DESI2: variants seen among roughly 807,000 people sequenced by gnomAD.
The protein encoded by DESI2 is desumoylating isopeptidase 2.
Under a neutral mutation model 24.1 loss-of-function variants are expected in DESI2, and 10 were observed. That is an observed-to-expected ratio of 0.41 (90% CI 0.26 to 0.70). The LOEUF (loss-of-function observed/expected upper bound fraction) is 0.70. Among genes scored for constraint, DESI2 ranks in the 30% least tolerant of loss-of-function variants. The pLI, the probability that DESI2 is intolerant of heterozygous loss-of-function variation, is 0.29. For missense variants in DESI2, 122 were observed against 234.9 expected (o/e 0.52, Z 3.14); for synonymous variants, 71 against 87.7 (o/e 0.81, Z 1.06).
chr1:244,666,826 G>A (rs572932489), intron 1 of DESI2, among the ~76,000 whole-genome samples: 5 of 152,088 alleles, frequency 3.3e-5, no homozygotes, highest in South Asian at 2.1e-4. Context: ...CATGTGGCTC[G>A]GGAGGCCTCA....
chr1:244,663,241 G>C (rs527285485), intron 1 of DESI2, among the ~76,000 whole-genome samples: 27 of 151,224 alleles, frequency 1.8e-4, no homozygotes, highest in African/African-American at 6.3e-4. Context: ...GCTGGCATCC[G>C]TCTCGGCTCA....
At chr1:244,681,407 T>G (rs1428040679) in intron 1 of DESI2, among the ~76,000 whole-genome samples, 4 of 152,256 alleles carry the variant, frequency 2.6e-5, no homozygotes, top group Admixed American at 6.5e-5. Context: ...TGTACTCACT[T>G]GCTCTCTACT....
At chr1:244,665,016 T>TTATCATGGATA (rs1675993608) in intron 1 of DESI2, among the ~76,000 whole-genome samples, 1 of 152,246 alleles carries the variant, frequency 6.6e-6, no homozygotes, top group Admixed American at 6.5e-5. Flanking sequence ...TTGTACTAAA[T>TTATCATGGATA]TATCATGGAT....
intron 1 of DESI2, among the ~76,000 whole-genome samples, chr1:244,685,106 ATTAT>A: frequency 6.6e-6 from 1 of 152,220 alleles, no homozygotes; most frequent in Non-Finnish European, 1.5e-5. Context: ...CTTTTTGCAT[ATTAT>A]TTATCTTTTT....
At position 244,706,912 on chromosome 1, in the gene DESI2, T is replaced by C. The variant is rs79855653; in HGVS notation, c.*1123T>C. 6.6e-6 allele frequency: 1 copy of C among 152,640 alleles called. No homozygotes were observed. Among genetic ancestry groups the C allele is most frequent in the Non-Finnish European group, 1.5e-5 (1 of 68,032 alleles). 9.5% of individuals were successfully genotyped at this position (152,640 alleles called of 1,614,324 possible). A position where few individuals can be genotyped will look rare whatever the true frequency, so the allele number is the denominator to read the frequency against. ...ATTTGTGTGTCTTAAGATTCATATT[T>C]ATATGTTCTCTCAAATGTATGTCTC... On this transcript the variant is annotated 3_prime_UTR_variant, in exon 5 of 5. Coordinates refer to ENST00000302550, the MANE Select transcript of DESI2 (RefSeq NM_016076.5).
In DESI2 at chr1:244,705,956, T is replaced by C. The variant is rs1339895721; in HGVS notation, c.*167T>C. The stretch of plus-strand genomic sequence containing the variant: ...TTTGTAATCAAAAAAAAAAAATCAC[T>C]TGGCGCAGGAGGGAGAACTTTGTAA... On this transcript the variant is annotated 3_prime_UTR_variant, in exon 5 of 5. Transcript: ENST00000302550. 2.3e-5 allele frequency: 14 copies of C among 603,484 alleles called. No homozygotes were observed. Among genetic ancestry groups the C allele is most frequent in the Non-Finnish European group, 3.8e-5 (13 of 344,590 alleles). The allele number at this position is 603,484 out of a possible 1,614,324, so 37.4% of individuals were successfully genotyped here.
At position 244,705,452 on chromosome 1, in the gene DESI2, G is replaced by T; in HGVS notation, c.352-104G>T. On this transcript the variant is annotated intron_variant, in intron 4 of 4. Coordinates refer to ENST00000302550, the MANE Select transcript of DESI2 (RefSeq NM_016076.5). ...CACCACTGAAGGCTAGTCTGCCGTGGCTTCTCTGTACGCCGCCCCCCTCCT... is the reference window on the plus strand; with the variant it reads ...CACCACTGAAGGCTAGTCTGCCGTGTCTTCTCTGTACGCCGCCCCCCTCCT... The T allele has an allele frequency of 4.6e-6, 4 of 876,096 alleles. No individual in the cohort carries two copies. In the East Asian group the frequency reaches 9.8e-5, roughly 22 times the overall value. The allele number at this position is 876,096 out of a possible 1,614,324, so 54.3% of individuals were successfully genotyped here.
chr1:244,654,172 G>C (rs1675567211), intron 1 of DESI2: 2 of 375,820 alleles, frequency 5.3e-6, no homozygotes, highest in Non-Finnish European at 1.1e-5. Flanking sequence ...CCAGAAAAAA[G>C]CACCCGGTAG....
chr1:244,695,317 C>A (rs1677173238), intron 4 of DESI2, among the ~76,000 whole-genome samples: 1 of 152,220 alleles, frequency 6.6e-6, no homozygotes. Context: ...ACTGGCATTA[C>A]CATTACTAAA....
intron 1 of DESI2, among the ~76,000 whole-genome samples, chr1:244,667,939 C>A (rs1436281389): frequency 6.6e-6 from 1 of 152,154 alleles, no homozygotes; most frequent in East Asian, 1.9e-4. Flanking sequence ...GGCTGAACAT[C>A]CCTGACATAA....
intron 1 of DESI2, among the ~76,000 whole-genome samples, chr1:244,659,207 G>A (rs1055496958): frequency 6.7e-6 from 1 of 149,608 alleles, no homozygotes; most frequent in African/African-American, 2.5e-5. Flanking sequence ...AGGGGGTGGG[G>A]GAAGCTAGTA....
chr1:244,686,956 C>A (rs1676848465), intron 2 of DESI2, among the ~76,000 whole-genome samples: 2 of 152,120 alleles, frequency 1.3e-5, no homozygotes, highest in African/African-American at 4.8e-5. Flanking sequence ...TTGTGATTGT[C>A]ATAAAATGAC....
At chr1:244,678,306 T>G (rs1258106842) in intron 1 of DESI2, among the ~76,000 whole-genome samples, 1 of 152,226 alleles carries the variant, frequency 6.6e-6, no homozygotes, top group Non-Finnish European at 1.5e-5. Flanking sequence ...ATACCTTTAT[T>G]TTTTAGAATG....
chr1:244,663,108 G>T (rs1411120383), intron 1 of DESI2, among the ~76,000 whole-genome samples: 3 of 151,884 alleles, frequency 2.0e-5, no homozygotes, highest in Non-Finnish European at 4.4e-5. Context: ...AAGTAGAAGG[G>T]TCAAAAGGAT....
intron 1 of DESI2, among the ~76,000 whole-genome samples, chr1:244,686,107 C>G (rs1676806933): frequency 1.3e-5 from 2 of 152,116 alleles, no homozygotes; most frequent in African/African-American, 4.8e-5. Flanking sequence ...TTACCATTAT[C>G]AAACTTTGAG....
rs1677766394 is a variant in DESI2 at position 244,707,736 on chromosome 1, G to A, written c.*1947G>A. 1 of 152,184 alleles carries A rather than the reference G, an allele frequency of 6.6e-6. No individual in the cohort carries two copies. The highest frequency in any genetic ancestry group is 2.4e-5 in the African/African-American group (1 of 41,442). The allele number at this position is 152,184 out of a possible 1,614,324, so 9.4% of individuals were successfully genotyped here. A position where few individuals can be genotyped will look rare whatever the true frequency, so the allele number is the denominator to read the frequency against. ...ACACACACACAGTAGCCATTAGTTAGACTCTTCTTAGTGAATATCAGGAAC... is the reference window on the plus strand; with the variant it reads ...ACACACACACAGTAGCCATTAGTTAAACTCTTCTTAGTGAATATCAGGAAC... On this transcript the variant is annotated 3_prime_UTR_variant, in exon 5 of 5. Coordinates refer to ENST00000302550, the MANE Select transcript of DESI2 (RefSeq NM_016076.5).
chr1:244,653,422 G>C, intron 1 of DESI2, 67 bp downstream of exon 1: 1 of 1,491,886 alleles, frequency 6.7e-7, no homozygotes, highest in Non-Finnish European at 8.9e-7. Context: ...GTGGGGCTCG[G>C]ACCCCGGCCC....
chr1:244,702,407 G>A (rs994321077), intron 4 of DESI2, among the ~76,000 whole-genome samples: 3 of 152,114 alleles, frequency 2.0e-5, no homozygotes, highest in Non-Finnish European at 4.4e-5. Context: ...CCATCTACTC[G>A]GGAGGCTGAG....
chr1:244,662,226 G>A (rs1034893953), intron 1 of DESI2, among the ~76,000 whole-genome samples: 1 of 152,134 alleles, frequency 6.6e-6, no homozygotes, highest in Admixed American at 6.5e-5. Context: ...GTCTGTTCAT[G>A]TCCTTTGCCC....
Sources: allele counts gnomAD v4.1 joint callset (sites outside exome capture counted in the v4.1 genomes callset), GRCh38; gene constraint gnomAD v4.1.1; transcripts MANE v1.5; gene names NCBI Gene and HGNC (gene_info 2026-07-23, HGNC 2026-07-21).